Variants in NAV2 observed in about 807,000 individuals in gnomAD.
NAV2 encodes neuron navigator 2, also known as helicase, APC down-regulated 1.
In NAV2, 54 loss-of-function variants were observed where a neutral mutation model predicts 223.2. That is an observed-to-expected ratio of 0.24 (90% confidence interval 0.19 to 0.30). The LOEUF (loss-of-function observed/expected upper bound fraction) is 0.30. Ranked by LOEUF, NAV2 falls within the 10% of genes least tolerant of loss-of-function variation. The pLI, the probability that NAV2 is intolerant of heterozygous loss-of-function variation, is 1.00. For missense variants in NAV2, 2,806 were observed against 3,147.5 expected, an observed-to-expected ratio of 0.89 and a Z score of 2.60; for synonymous variants, 1,279 against 1,239.3, an observed-to-expected ratio of 1.03 and a Z score of -0.67.
chr11:19,886,638 T>A (rs2041005435), intron 5 of NAV2, among the ~76,000 whole-genome samples: 1 of 152,210 alleles, frequency 6.6e-6, no homozygotes, highest in Non-Finnish European at 1.5e-5. Context: ...GTTCCCACGA[T>A]GTGCTCAGTC....
chr11:19,361,768 C>A (rs538137199), intron 1 of NAV2, among the ~76,000 whole-genome samples: 1 of 152,136 alleles, frequency 6.6e-6, no homozygotes, highest in Non-Finnish European at 1.5e-5. Flanking sequence ...TAGAACATCA[C>A]GAAGCCCTTT....
At chr11:19,861,948 G>A (rs2061819213) in intron 3 of NAV2, among the ~76,000 whole-genome samples, 1 of 152,126 alleles carries the variant, frequency 6.6e-6, no homozygotes, top group African/African-American at 2.4e-5. Context: ...GTATCTTTTG[G>A]GAGCCTCCAG....
rs1260679515 is a variant in NAV2 at position 19,720,645 on chromosome 11, G to A, written c.267+6683G>A. On this transcript the variant is annotated intron_variant, in intron 1 of 37. Coordinates refer to ENST00000349880, the MANE Select transcript of NAV2 (RefSeq NM_145117.5). ...AAAATTAGCTACTCATGGCAATGTG[G>A]CACTTTAAAAATAATTATAATACTA... Among the ~76,000 whole-genome samples the A allele has an allele frequency of 2.0e-5, 3 of 152,152 alleles. No individual in the cohort carries two copies. In the East Asian group the frequency reaches 5.8e-4, roughly 29 times the overall value.
At chr11:19,914,673 T>G (rs183092568) in intron 6 of NAV2, among the ~76,000 whole-genome samples, 1,562 of 151,712 alleles carry the variant, frequency 0.01, 15 homozygotes, top group Non-Finnish European at 0.013. Flanking sequence ...GCCTCCCGAG[T>G]AGCTGGGACT....
intron 1 of NAV2, among the ~76,000 whole-genome samples, chr11:19,400,637 A>G (rs1849642909): frequency 6.6e-6 from 1 of 152,218 alleles, no homozygotes; most frequent in South Asian, 2.1e-4. Context: ...CTCGCATGTC[A>G]TTAGAAGGTA....
At chr11:20,086,701 T>C (rs1016704795) in intron 26 of NAV2, among the ~76,000 whole-genome samples, 4 of 152,134 alleles carry the variant, frequency 2.6e-5, no homozygotes, top group Non-Finnish European at 4.4e-5. Flanking sequence ...CTGGATGTAT[T>C]TAGGAGATAT....
intron 1 of NAV2, among the ~76,000 whole-genome samples, chr11:19,410,501 G>T (rs192818077): frequency 6.6e-6 from 1 of 152,136 alleles, no homozygotes; most frequent in Non-Finnish European, 1.5e-5. Context: ...CCAGGGTCAC[G>T]CAGTCATTAT....
chr11:19,999,379 GT>G (rs1168244918), intron 11 of NAV2, among the ~76,000 whole-genome samples: 3 of 152,176 alleles, frequency 2.0e-5, no homozygotes, highest in African/African-American at 4.8e-5. Flanking sequence ...AAAATGTGGG[GT>G]TTTTTTGGAT....
intron 1 of NAV2, among the ~76,000 whole-genome samples, chr11:19,415,832 A>C (rs930550619): frequency 1.2e-4 from 19 of 152,228 alleles, no homozygotes; most frequent in Non-Finnish European, 2.8e-4. Flanking sequence ...AAACAGAACC[A>C]ATGACAAAAA....
chr11:19,689,941 G>A (rs535669092), intron 1 of NAV2, among the ~76,000 whole-genome samples: 6 of 152,294 alleles, frequency 3.9e-5, no homozygotes, highest in African/African-American at 1.4e-4. Flanking sequence ...GGCCTTATGT[G>A]TTGACTTGAT....
At chr11:19,594,988 C>G (rs943002988) in intron 1 of NAV2, among the ~76,000 whole-genome samples, 5 of 152,122 alleles carry the variant, frequency 3.3e-5, no homozygotes, top group African/African-American at 1.2e-4. Context: ...TAAGATTAGA[C>G]ACCAAGACAA....
chr11:19,892,476 G>T lies in NAV2; in HGVS notation c.813G>T (p.Glu271Asp). Residue 271 changes from glutamate to aspartate, a missense_variant, in exon 6 of 38, where the codon GAG becomes GAT. Transcript: ENST00000349880. ...PTARVSAAGS[E>D]AKTRGGSTTA... is the part of the protein sequence containing the mutation. ...CGAGGGTATCCGCTGCAGGCAGCGA[G>T]GCCAAAACACGCGGAGGGTCAACTA... The T allele has an allele frequency of 3.7e-6, 6 of 1,614,172 alleles. No individual in the cohort carries two copies. Among genetic ancestry groups the T allele is most frequent in the Non-Finnish European group, 5.1e-6 (6 of 1,180,020 alleles).
chr11:19,632,242 G>T (rs2047366951), intron 1 of NAV2, among the ~76,000 whole-genome samples: 1 of 152,194 alleles, frequency 6.6e-6, no homozygotes, highest in South Asian at 2.1e-4. Context: ...ATTGGGTTTG[G>T]CATCAAACAG....
At chr11:19,403,297 A>C (rs1446270670) in intron 1 of NAV2, among the ~76,000 whole-genome samples, 1 of 152,188 alleles carries the variant, frequency 6.6e-6, no homozygotes, top group East Asian at 1.9e-4. Flanking sequence ...TCTGGAGTGG[A>C]GGTCAGCATG....
chr11:20,041,955 G>T (rs2056956797), intron 12 of NAV2, among the ~76,000 whole-genome samples: 1 of 151,962 alleles, frequency 6.6e-6, no homozygotes, highest in Non-Finnish European at 1.5e-5. Context: ...CCTTATAATA[G>T]TCTTCGTAGT....
At chr11:20,097,385 T>G (rs755394004) in intron 30 of NAV2, among the ~76,000 whole-genome samples, 192 bp from the exon 31 acceptor site, 1 of 152,142 alleles carries the variant, frequency 6.6e-6, no homozygotes, top group Non-Finnish European at 1.5e-5. Context: ...ATCTGTATTT[T>G]AAGAGGCCTG....
intron 26 of NAV2, among the ~76,000 whole-genome samples, chr11:20,089,853 C>T (rs963602480): frequency 2.6e-5 from 4 of 152,170 alleles, no homozygotes; most frequent in Admixed American, 6.5e-5. Context: ...GCTAGAAGAA[C>T]CACCTCTTCA....
intron 14 of NAV2, among the ~76,000 whole-genome samples, chr11:20,048,285 A>C (rs1004513234): frequency 1.6e-4 from 24 of 152,186 alleles, no homozygotes; most frequent in African/African-American, 5.8e-4. Context: ...CAAGAAACCA[A>C]ATCCCTTAGA....
At chr11:19,577,231 G>A (rs1013608876) in intron 1 of NAV2, among the ~76,000 whole-genome samples, 2 of 152,242 alleles carry the variant, frequency 1.3e-5, no homozygotes, top group African/African-American at 2.4e-5. Flanking sequence ...TCCAACGTCC[G>A]TGTGTTGCTA....
Sources: gnomAD v4.1 joint callset for allele counts (sites outside exome capture counted in the v4.1 genomes callset) on GRCh38, gnomAD v4.1.1 for gene constraint, MANE v1.5 for transcripts, NCBI Gene and HGNC (gene_info 2026-07-23, HGNC 2026-07-21) for gene names.